Variants in CHRM3 observed in about 807,000 individuals in gnomAD.
The protein encoded by CHRM3 is muscarinic acetylcholine receptor M3.
CHRM3 carries 11 observed loss-of-function variants against 41.8 expected under a neutral mutation model. That is an observed-to-expected ratio of 0.26 (90% CI 0.17 to 0.44). The LOEUF is 0.44. Ranked by LOEUF, CHRM3 falls within the 20% of genes least tolerant of loss-of-function variation. The pLI, the probability that CHRM3 is intolerant of heterozygous loss-of-function variation, is 1.00. For missense variants in CHRM3, 571 were observed against 745.4 expected (o/e 0.77, Z 2.72); for synonymous variants, 297 against 301.4 (o/e 0.99, Z 0.15).
At chr1:239,469,837 A>T (rs979349581) in intron 1 of CHRM3, among the ~76,000 whole-genome samples, 1 of 152,150 alleles carries the variant, frequency 6.6e-6, no homozygotes, top group Non-Finnish European at 1.5e-5. Flanking sequence ...GATTACAGGC[A>T]TGAGCCACCG....
chr1:239,900,368 T>G (rs983378779), intron 6 of CHRM3, among the ~76,000 whole-genome samples: 10 of 148,602 alleles, frequency 6.7e-5, no homozygotes, highest in Non-Finnish European at 1.5e-4. Context: ...ATAAGTACTT[T>G]TAGATATTCT....
At chr1:239,562,107 G>A (rs568385069) in intron 3 of CHRM3, among the ~76,000 whole-genome samples, 1 of 152,110 alleles carries the variant, frequency 6.6e-6, no homozygotes, top group African/African-American at 2.4e-5. Flanking sequence ...ATCTACTAAT[G>A]AGGCTAAAAC....
intron 3 of CHRM3, among the ~76,000 whole-genome samples, chr1:239,618,088 C>T (rs1667832099): frequency 6.6e-6 from 1 of 151,594 alleles, no homozygotes; most frequent in Admixed American, 6.6e-5. Context: ...CTGCAGAACA[C>T]CCAGGGAAGT....
chr1:239,637,737 T>C (rs1472019456), intron 4 of CHRM3, among the ~76,000 whole-genome samples: 1 of 149,284 alleles, frequency 6.7e-6, no homozygotes, highest in Non-Finnish European at 1.5e-5. Context: ...GGAATTTGTA[T>C]TTCTTTGTGA....
chr1:239,439,256 T>C (rs1163014390), intron 1 of CHRM3, among the ~76,000 whole-genome samples: 1 of 152,184 alleles, frequency 6.6e-6, no homozygotes, highest in African/African-American at 2.4e-5. Context: ...TCCCAGGTGG[T>C]CATGTCAAGA....
At chr1:239,624,592 G>A (rs188520989) in intron 3 of CHRM3, among the ~76,000 whole-genome samples, 213 of 151,862 alleles carry the variant, frequency 1.4e-3, no homozygotes, top group South Asian at 4.2e-3. Context: ...TGTCCTGAGT[G>A]GTAATGCCTA....
intron 5 of CHRM3, among the ~76,000 whole-genome samples, chr1:239,784,732 G>A (rs1668760533): frequency 6.6e-6 from 1 of 151,804 alleles, no homozygotes; most frequent in Non-Finnish European, 1.5e-5. Flanking sequence ...ATTCCTAATG[G>A]TTTTTTGTTT....
At chr1:239,610,389 T>C (rs1395472392) in intron 3 of CHRM3, among the ~76,000 whole-genome samples, 1 of 152,150 alleles carries the variant, frequency 6.6e-6, no homozygotes, top group Non-Finnish European at 1.5e-5. Context: ...TGCATCTTAT[T>C]TTTAATACCT....
chr1:239,857,546 T>G (rs913832400), intron 6 of CHRM3, among the ~76,000 whole-genome samples: 1 of 152,154 alleles, frequency 6.6e-6, no homozygotes, highest in Non-Finnish European at 1.5e-5. Context: ...TAAAACATCT[T>G]TTTAAAGTTT....
At chr1:239,449,733 GGTGT>G (rs149312544) in intron 1 of CHRM3, among the ~76,000 whole-genome samples, 5 of 143,732 alleles carry the variant, frequency 3.5e-5, no homozygotes, top group Middle Eastern at 3.7e-3. Context: ...GTCACATTCT[GGTGT>G]GTGTGTGTGT....
At chr1:239,739,427 C>T (rs2148483004) in intron 5 of CHRM3, among the ~76,000 whole-genome samples, 1 of 152,278 alleles carries the variant, frequency 6.6e-6, no homozygotes, top group Middle Eastern at 3.4e-3. Context: ...CATAACATTG[C>T]ATAGCTGTTG....
chr1:239,478,343 AAC>A (rs1266932199), intron 1 of CHRM3, among the ~76,000 whole-genome samples: 1 of 152,220 alleles, frequency 6.6e-6, no homozygotes, highest in Non-Finnish European at 1.5e-5. Flanking sequence ...CTCTTCTTTG[AAC>A]ACAGTGTTCA....
chr1:239,476,291 C>A (rs1283571212), intron 1 of CHRM3, among the ~76,000 whole-genome samples: 1 of 152,030 alleles, frequency 6.6e-6, no homozygotes, highest in African/African-American at 2.4e-5. Flanking sequence ...CGTGGCGAAA[C>A]CCCGTCTCTA....
intron 1 of CHRM3, among the ~76,000 whole-genome samples, chr1:239,428,260 T>G (rs1011894473): frequency 6.6e-6 from 1 of 152,230 alleles, no homozygotes; most frequent in African/African-American, 2.4e-5. Flanking sequence ...CAGTAGCAGA[T>G]GCAAGAGCAA....
chr1:239,695,376 A>G (rs1297445054), intron 5 of CHRM3, among the ~76,000 whole-genome samples: 1 of 152,176 alleles, frequency 6.6e-6, no homozygotes, highest in Non-Finnish European at 1.5e-5. Flanking sequence ...TACTATATAC[A>G]CAGTACTAAC....
intron 6 of CHRM3, among the ~76,000 whole-genome samples, chr1:239,873,253 T>C (rs1676747560): frequency 6.6e-6 from 1 of 152,218 alleles, no homozygotes; most frequent in Non-Finnish European, 1.5e-5. Flanking sequence ...CTCCTGAGCC[T>C]CAGTTTCCTC....
chr1:239,864,174 A>G (rs994064080), intron 6 of CHRM3, among the ~76,000 whole-genome samples: 1 of 151,970 alleles, frequency 6.6e-6, no homozygotes, highest in Non-Finnish European at 1.5e-5. Flanking sequence ...AGGAGGCAAC[A>G]TAGCGAGACC....
intron 2 of CHRM3, among the ~76,000 whole-genome samples, chr1:239,496,230 C>T (rs915293830): frequency 6.6e-6 from 1 of 152,074 alleles, no homozygotes; most frequent in Non-Finnish European, 1.5e-5. Context: ...CTGGCAGGAA[C>T]TGGCCACTGG....
chr1:239,713,936 TC>T (rs1662076597), intron 5 of CHRM3, among the ~76,000 whole-genome samples: 1 of 152,206 alleles, frequency 6.6e-6, no homozygotes, highest in African/African-American at 2.4e-5. Context: ...TAAGCCCTGT[TC>T]TTTAAACCAG....
Sources: allele counts gnomAD v4.1 joint callset (sites outside exome capture counted in the v4.1 genomes callset), GRCh38; gene constraint gnomAD v4.1.1; transcripts MANE v1.5; gene names NCBI Gene and HGNC (gene_info 2026-07-23, HGNC 2026-07-21).